DAB1: variants seen among roughly 807,000 people sequenced by gnomAD.
DAB1 encodes DAB adaptor protein 1, also known as disabled homolog 1.
A neutral mutation model predicts 64.6 loss-of-function variants in DAB1; 15 were observed. The ratio of observed to expected loss-of-function variants is 0.23; its 90% CI spans 0.16 to 0.36. The LOEUF is 0.36. Ranked by LOEUF, DAB1 falls within the 10% of genes least tolerant of loss-of-function variation. The probability of loss-of-function intolerance (pLI) is 1.00; values close to 1 mark genes in which losing one functional copy is unlikely to be tolerated. For synonymous variants in DAB1, 235 were observed against 251.9 expected, an observed-to-expected ratio of 0.93 and a Z score of 0.64; for missense variants, 596 against 706.7, an observed-to-expected ratio of 0.84 and a Z score of 1.78.
At chr1:57,625,259 C>T (rs552475276) in intron 7 of DAB1, among the ~76,000 whole-genome samples, 1 of 152,200 alleles carries the variant, frequency 6.6e-6, no homozygotes, top group South Asian at 2.1e-4. Context: ...TTCTTCTACT[C>T]CTGGCTCTAT....
rs1645646043 is a variant in DAB1 at position 56,996,922 on chromosome 1, A to G, written c.*1222T>C. On this transcript the variant is annotated 3_prime_UTR_variant, in exon 15 of 15. Transcript: ENST00000371236. ...TTTTTCATTAGAACTCCTTAAAGCCATTTCCCTTAAATATTTAAAGAGTTT... is the reference window on the plus strand; with the variant it reads ...TTTTTCATTAGAACTCCTTAAAGCCGTTTCCCTTAAATATTTAAAGAGTTT... The G allele has an allele frequency of 6.6e-6, 1 of 152,094 alleles. No homozygotes were observed. Among genetic ancestry groups the G allele is most frequent in the African/African-American group, 2.4e-5 (1 of 41,404 alleles). 9.4% of individuals were successfully genotyped at this position (152,094 alleles called of 1,614,324 possible). A position where few individuals can be genotyped will look rare whatever the true frequency, so the allele number is the denominator to read the frequency against.
At chr1:57,367,996 G>C (rs1019295688) in intron 1 of DAB1, among the ~76,000 whole-genome samples, 1 of 152,204 alleles carries the variant, frequency 6.6e-6, no homozygotes, top group Non-Finnish European at 1.5e-5. Flanking sequence ...GCCCAGGAAG[G>C]CTTGGAAATA....
At chr1:57,901,359 C>A (rs1044802734) in intron 5 of DAB1, among the ~76,000 whole-genome samples, 9 of 152,126 alleles carry the variant, frequency 5.9e-5, no homozygotes, top group African/African-American at 2.2e-4. Flanking sequence ...TTAGCGAGCT[C>A]CCCCTCCCTG....
intron 7 of DAB1, among the ~76,000 whole-genome samples, chr1:57,451,367 C>T (rs917332395): frequency 1.3e-5 from 2 of 152,166 alleles, no homozygotes; most frequent in East Asian, 1.9e-4. Flanking sequence ...TCTATCACAT[C>T]CTGCTGGTTT....
chr1:58,199,828 T>C (rs909237855), intron 4 of DAB1, among the ~76,000 whole-genome samples: 3 of 152,180 alleles, frequency 2.0e-5, no homozygotes, highest in East Asian at 1.9e-4. Flanking sequence ...TGTCTCACAA[T>C]AGAATGCAAG....
At chr1:57,883,909 G>T (rs1317947683) in intron 1 of DAB1, 1 of 152,182 alleles carries the variant, frequency 6.6e-6, no homozygotes, top group Non-Finnish European at 1.5e-5. Flanking sequence ...GCTTTTGAAA[G>T]AAACAAAATC....
At chr1:57,002,364 G>A (rs1430909917) in intron 14 of DAB1, among the ~76,000 whole-genome samples, 1 of 152,184 alleles carries the variant, frequency 6.6e-6, no homozygotes, top group Non-Finnish European at 1.5e-5. Flanking sequence ...AGAGGGAGGA[G>A]CAATGAGGCA....
At chr1:58,127,492 T>G (rs1452425498) in intron 5 of DAB1, among the ~76,000 whole-genome samples, 1 of 151,550 alleles carries the variant, frequency 6.6e-6, no homozygotes, top group East Asian at 1.9e-4. Context: ...TTTTGGCTTT[T>G]GTTGCCATTG....
At chr1:58,050,722 G>T (rs1647591030) in intron 5 of DAB1, among the ~76,000 whole-genome samples, 1 of 151,936 alleles carries the variant, frequency 6.6e-6, no homozygotes, top group African/African-American at 2.4e-5. Context: ...GTAGAGACGG[G>T]GTCTCACCGT....
chr1:57,131,517 G>A (rs17115142), intron 4 of DAB1, among the ~76,000 whole-genome samples: 6,365 of 152,210 alleles, frequency 0.042, 455 homozygotes, highest in African/African-American at 0.14. Context: ...CCAGTGTGAC[G>A]TTCTGCAGCC....
At chr1:57,900,305 A>G (rs978876797) in intron 5 of DAB1, among the ~76,000 whole-genome samples, 1 of 152,148 alleles carries the variant, frequency 6.6e-6, no homozygotes, top group Non-Finnish European at 1.5e-5. Context: ...GATGGCACAC[A>G]CTGGGGGGTA....
intron 5 of DAB1, among the ~76,000 whole-genome samples, chr1:58,121,320 T>C (rs997956408): frequency 2.6e-5 from 4 of 152,120 alleles, no homozygotes; most frequent in African/African-American, 9.7e-5. Flanking sequence ...GGTATGCAAG[T>C]ACTACCTACT....
At chr1:58,395,748 C>T (rs1057200384) in intron 3 of DAB1, among the ~76,000 whole-genome samples, 2 of 152,174 alleles carry the variant, frequency 1.3e-5, no homozygotes, top group Admixed American at 1.3e-4. Flanking sequence ...TTGACAAACA[C>T]ATATGAAGTA....
chr1:57,330,767 G>A (rs556898602), intron 1 of DAB1, among the ~76,000 whole-genome samples: 1 of 152,056 alleles, frequency 6.6e-6, no homozygotes, highest in South Asian at 2.1e-4. Flanking sequence ...CTATTTAGCT[G>A]GTCTGGAGCT....
intron 4 of DAB1, among the ~76,000 whole-genome samples, chr1:57,105,156 T>C (rs1226115597): frequency 6.6e-6 from 1 of 152,078 alleles, no homozygotes; most frequent in African/African-American, 2.4e-5. Flanking sequence ...TTGGGGTCTT[T>C]GTAGGCAAAT....
intron 3 of DAB1, among the ~76,000 whole-genome samples, chr1:58,398,926 C>T (rs1021303370): frequency 2.6e-5 from 4 of 152,218 alleles, no homozygotes; most frequent in African/African-American, 7.2e-5. Flanking sequence ...TAAGGTCACA[C>T]TGCCCTAACT....
intron 5 of DAB1, among the ~76,000 whole-genome samples, chr1:57,924,726 C>T (rs1644855506): frequency 6.6e-6 from 1 of 151,286 alleles, no homozygotes; most frequent in Non-Finnish European, 1.5e-5. Flanking sequence ...GCCTCAGTCT[C>T]CCAAAGTGCT....
At chr1:57,768,824 G>C (rs1267802034) in intron 6 of DAB1, among the ~76,000 whole-genome samples, 2 of 151,984 alleles carry the variant, frequency 1.3e-5, no homozygotes, top group Non-Finnish European at 2.9e-5. Flanking sequence ...GAGCAATAAA[G>C]ATTTTACTTA....
intron 3 of DAB1, among the ~76,000 whole-genome samples, chr1:58,368,427 G>A (rs956074255): frequency 6.6e-6 from 1 of 152,164 alleles, no homozygotes; most frequent in Non-Finnish European, 1.5e-5. Context: ...CAGAAGAGCT[G>A]GGCAAGGATA....
Sources: allele counts gnomAD v4.1 joint callset (sites outside exome capture counted in the v4.1 genomes callset), GRCh38; gene constraint gnomAD v4.1.1; transcripts MANE v1.5; gene names NCBI Gene and HGNC (gene_info 2026-07-23, HGNC 2026-07-21).